Variants in GPR158 observed in about 807,000 individuals in gnomAD.
The protein encoded by GPR158 is metabotropic glycine receptor.
In GPR158, 30 loss-of-function variants were observed where a neutral mutation model predicts 78.2. The ratio of observed to expected loss-of-function variants is 0.38; its 90% CI spans 0.29 to 0.52. The LOEUF (loss-of-function observed/expected upper bound fraction) is 0.52. GPR158 is among the 20% of genes least tolerant of loss of function. The pLI is 0.83. For synonymous variants in GPR158, 581 were observed against 591.1 expected, an observed-to-expected ratio of 0.98 and a Z score of 0.25; for missense variants, 1,463 against 1,523.5, an observed-to-expected ratio of 0.96 and a Z score of 0.66.
chr10:25,310,300 C>T (rs1043200223), intron 2 of GPR158, among the ~76,000 whole-genome samples: 38 of 152,284 alleles, frequency 2.5e-4, no homozygotes, highest in African/African-American at 8.9e-4. Context: ...GATTCCCATA[C>T]GTTTGCAGTA....
intron 2 of GPR158, among the ~76,000 whole-genome samples, chr10:25,293,889 G>C (rs1357275594): frequency 6.6e-6 from 1 of 151,794 alleles, no homozygotes; most frequent in Non-Finnish European, 1.5e-5. Context: ...GGGATTATAG[G>C]CACCCACCAC....
At chr10:25,590,143 G>A (rs1222585295) in intron 8 of GPR158, among the ~76,000 whole-genome samples, 1 of 152,132 alleles carries the variant, frequency 6.6e-6, no homozygotes, top group South Asian at 2.1e-4. Context: ...TCTGACTTTA[G>A]TCAGCAGTCA....
At chr10:25,402,565 A>G (rs1473022015) in intron 3 of GPR158, among the ~76,000 whole-genome samples, 1 of 152,060 alleles carries the variant, frequency 6.6e-6, no homozygotes, top group Non-Finnish European at 1.5e-5. Context: ...TAGAATCTCC[A>G]TCCTATACTC....
chr10:25,550,969 C>G lies in GPR158; in HGVS notation c.1405-7C>G, dbSNP rs200440308. On this transcript the variant is annotated splice_polypyrimidine_tract_variant and splice_region_variant and intron_variant, in intron 5 of 10. Coordinates refer to ENST00000376351, the MANE Select transcript of GPR158 (RefSeq NM_020752.3). ...CCTGAAGGTCTCTTTCTGTTTTCAT[C>G]CCACAGGTTGTTATTTTGTACTTTG... 6.8e-7 allele frequency: 1 copy of G among 1,470,562 alleles called. No individual in the cohort carries two copies. Among genetic ancestry groups the G allele is most frequent in the African/African-American group, 1.4e-5 (1 of 72,088 alleles). 91.1% of individuals were successfully genotyped at this position (1,470,562 alleles called of 1,614,324 possible). A position where few individuals can be genotyped will look rare whatever the true frequency, so the allele number is the denominator to read the frequency against.
At chr10:25,407,635 T>C (rs1014249722) in intron 3 of GPR158, among the ~76,000 whole-genome samples, 1 of 152,140 alleles carries the variant, frequency 6.6e-6, no homozygotes, top group South Asian at 2.1e-4. Context: ...TTTCTTCCAC[T>C]CATTCATACT....
intron 9 of GPR158, among the ~76,000 whole-genome samples, chr10:25,596,304 G>A (rs1837404308): frequency 1.3e-5 from 2 of 152,042 alleles, no homozygotes; most frequent in African/African-American, 2.4e-5. Flanking sequence ...GGCATCTGTG[G>A]GTCTCACAAA....
At chr10:25,214,986 G>A (rs1383745881) in intron 1 of GPR158, among the ~76,000 whole-genome samples, 1 of 152,140 alleles carries the variant, frequency 6.6e-6, no homozygotes, top group East Asian at 1.9e-4. Context: ...TGCTTGTTGT[G>A]TTCCCATAGA....
chr10:25,241,334 CTCT>C (rs1480164049), intron 2 of GPR158, among the ~76,000 whole-genome samples: 1 of 118,228 alleles, frequency 8.5e-6, no homozygotes, highest in Non-Finnish European at 1.7e-5. Context: ...CTCTTCTCTT[CTCT>C]TTTCTCTTTT....
intron 2 of GPR158, among the ~76,000 whole-genome samples, chr10:25,289,931 C>G (rs927525829): frequency 1.4e-4 from 22 of 152,094 alleles, no homozygotes; most frequent in African/African-American, 5.3e-4. Flanking sequence ...AATGACAAAT[C>G]AAGACTGTAA....
At chr10:25,337,404 A>G (rs1051892273) in intron 2 of GPR158, among the ~76,000 whole-genome samples, 2 of 152,124 alleles carry the variant, frequency 1.3e-5, no homozygotes, top group African/African-American at 4.8e-5. Flanking sequence ...AGATCATGTA[A>G]CATGCACCCT....
intron 2 of GPR158, among the ~76,000 whole-genome samples, chr10:25,302,515 G>C (rs1042639231): frequency 6.6e-6 from 1 of 152,106 alleles, no homozygotes; most frequent in Admixed American, 6.5e-5. Flanking sequence ...CTTGTTTTGA[G>C]GCTTTTCTAG....
intron 6 of GPR158, among the ~76,000 whole-genome samples, chr10:25,556,180 G>A (rs1836784049): frequency 6.6e-6 from 1 of 152,102 alleles, no homozygotes; most frequent in African/African-American, 2.4e-5. Flanking sequence ...CCACAGAACA[G>A]TGTTGCTTAG....
Position 25,199,198 on chromosome 10 carries a change from G to C in GPR158, c.903-21854G>C, listed in dbSNP as rs1588730531. On this transcript the variant is annotated intron_variant, in intron 1 of 10. Transcript: ENST00000376351. ...GGTCTGTTATGTAAGTAAATTGCAT[G>C]CCACAGGGGTTTGGTGTAAAGATTA... Among the ~76,000 whole-genome samples the C allele has an allele frequency of 8.6e-5, 13 of 150,758 alleles. 1 individual carries two copies. In the South Asian group the frequency reaches 2.7e-3, roughly 32 times the overall value.
intron 2 of GPR158, among the ~76,000 whole-genome samples, chr10:25,254,453 TTTGA>T (rs1351913348): frequency 2.6e-5 from 4 of 152,152 alleles, no homozygotes; most frequent in African/African-American, 9.6e-5. Context: ...AGAATTCTGG[TTTGA>T]TTATTTTTAA....
intron 3 of GPR158, among the ~76,000 whole-genome samples, chr10:25,397,825 G>A (rs1834382822): frequency 6.6e-6 from 1 of 152,102 alleles, no homozygotes; most frequent in Non-Finnish European, 1.5e-5. Flanking sequence ...CTTAGGTTCT[G>A]TTATTTAGCA....
At chr10:25,349,708 C>G (rs1855426762) in intron 2 of GPR158, among the ~76,000 whole-genome samples, 1 of 146,704 alleles carries the variant, frequency 6.8e-6, no homozygotes, top group Non-Finnish European at 1.5e-5. Flanking sequence ...AACCTCCTTT[C>G]TTCATATATT....
At chr10:25,370,369 C>T (rs950011288) in intron 2 of GPR158, among the ~76,000 whole-genome samples, 2 of 133,288 alleles carry the variant, frequency 1.5e-5, no homozygotes, top group South Asian at 5.4e-4. Flanking sequence ...TATGTTGTGT[C>T]TTTGTTCTCG....
At chr10:25,288,437 G>T (rs934054294) in intron 2 of GPR158, among the ~76,000 whole-genome samples, 1 of 152,134 alleles carries the variant, frequency 6.6e-6, no homozygotes, top group African/African-American at 2.4e-5. Flanking sequence ...TAGAACCAAG[G>T]TTTCCATTTC....
intron 2 of GPR158, among the ~76,000 whole-genome samples, chr10:25,292,927 G>A (rs1854461102): frequency 1.3e-5 from 2 of 152,118 alleles, no homozygotes; most frequent in Admixed American, 6.5e-5. Flanking sequence ...AGTAACAAGA[G>A]TTATAAGACA....
Sources: gnomAD v4.1 joint callset for allele counts (sites outside exome capture counted in the v4.1 genomes callset) on GRCh38, gnomAD v4.1.1 for gene constraint, MANE v1.5 for transcripts, NCBI Gene and HGNC (gene_info 2026-07-23, HGNC 2026-07-21) for gene names.